ICE1: variants seen among roughly 807,000 people sequenced by gnomAD.
ICE1 encodes the protein little elongation complex subunit 1.
ICE1 carries 64 observed loss-of-function variants against 192.7 expected under a neutral mutation model. That is an observed-to-expected ratio of 0.33 (90% CI 0.27 to 0.41). The LOEUF (loss-of-function observed/expected upper bound fraction) is 0.41, where lower values mean the gene tolerates loss of function less well. ICE1 is among the 10% of genes least tolerant of loss of function. The pLI is 1.00. For synonymous variants in ICE1, 1,010 were observed against 984.5 expected, an observed-to-expected ratio of 1.03 and a Z score of -0.49; for missense variants, 2,708 against 2,696.0, an observed-to-expected ratio of 1.00 and a Z score of -0.10.
In ICE1 at chr5:5,462,500, C is replaced by T. The variant is rs751117948; in HGVS notation, c.3166C>T (p.Pro1056Ser). The stretch of plus-strand genomic sequence containing the variant: ...ACTTTGGAAATTGAAATCTACAACT[C>T]CCGGTGGTGCTTTGCCTGAGTGTTT... ...NGLWKLKSTT[P>S]GGALPECFGT... Residue 1056 changes from proline to serine, a missense_variant, in exon 13 of 19, where the codon CCC becomes TCC. Pro to Ser is a moderately conservative substitution (Grantham distance 74, BLOSUM62 -1). Around this residue, in one of 2 missense-constraint regions of ICE1, gnomAD observed 2,366 missense variants for 2,276.6 expected, o/e 1.04. Coordinates refer to ENST00000296564, the MANE Select transcript of ICE1 (RefSeq NM_015325.3). 1.5e-5 allele frequency: 24 copies of T among 1,613,880 alleles called. No homozygotes were observed. The East Asian group carries it at 4.0e-4, about 27-fold the overall frequency.
At chr5:5,433,867 T>C (rs927106593) in intron 1 of ICE1, among the ~76,000 whole-genome samples, 2 of 152,074 alleles carry the variant, frequency 1.3e-5, no homozygotes, top group African/African-American at 2.4e-5. Flanking sequence ...TTACAGTTTT[T>C]AGCAAGGGAA....
chr5:5,483,712 A>G (rs1418909525), intron 17 of ICE1, among the ~76,000 whole-genome samples: 1 of 152,130 alleles, frequency 6.6e-6, no homozygotes, highest in Non-Finnish European at 1.5e-5. Context: ...TTCTGCCCCA[A>G]AGAGCTTATA....
intron 1 of ICE1, among the ~76,000 whole-genome samples, chr5:5,427,027 T>C (rs747362446): frequency 2.0e-5 from 3 of 152,256 alleles, no homozygotes; most frequent in Non-Finnish European, 4.4e-5. Flanking sequence ...AACTTGCCTC[T>C]CTGTCTTGAA....
At position 5,461,856 on chromosome 5, in the gene ICE1, A is replaced by G. The variant is rs1183794043; in HGVS notation, c.2522A>G (p.Asn841Ser). ...CCCAAGCCTGATCTTCTTAGAGAAAATAACAATCCTGTAGAATTCAAGACC... is the reference window on the plus strand; with the variant it reads ...CCCAAGCCTGATCTTCTTAGAGAAAGTAACAATCCTGTAGAATTCAAGACC... ...PTPKPDLLRE[N>S]NNPVEFKTTA... The change falls in exon 13 of 19, where the codon AAT (asparagine) becomes AGT (serine). Residue 841 changes from asparagine (N) to serine (S), a missense_variant. By Grantham distance (46) the Asn-to-Ser change is conservative (BLOSUM62 1). Coordinates refer to ENST00000296564, the MANE Select transcript of ICE1 (RefSeq NM_015325.3). The G allele has an allele frequency of 5.0e-6, 8 of 1,613,998 alleles. No homozygotes were observed. Among genetic ancestry groups the G allele is most frequent in the Non-Finnish European group, 6.8e-6 (8 of 1,179,898 alleles).
intron 17 of ICE1, among the ~76,000 whole-genome samples, chr5:5,482,306 A>G (rs764615453): frequency 1.3e-5 from 2 of 152,188 alleles, no homozygotes; most frequent in African/African-American, 2.4e-5. Flanking sequence ...AGACTGATAT[A>G]CAATACAATT....
At chr5:5,484,690 TAGCACTA>T (rs1739591009) in intron 17 of ICE1, among the ~76,000 whole-genome samples, 1 of 152,218 alleles carries the variant, frequency 6.6e-6, no homozygotes, top group African/African-American at 2.4e-5. Context: ...TGCACGTACC[TAGCACTA>T]AGCTAGTTCC....
Position 5,461,402 on chromosome 5 carries a change from C to G in ICE1, c.2068C>G (p.Pro690Ala), listed in dbSNP as rs1185770183. The change falls in exon 13 of 19, where the codon CCG (proline) becomes GCG (alanine). Residue 690 changes from proline (P) to alanine (A), a missense_variant. This residue lies in a region of ICE1 where 2,366 missense variants were observed against 2,276.6 expected (regional missense o/e 1.04). Transcript: ENST00000296564. ...CACATTACATCTGCAGTCTGAGCCA[C>G]CGGAGTGTTCTATAGGAGGAAACAA... ...LNTLHLQSEP[P>A]ECSIGGNNLE... 3 of 1,613,848 alleles carry G rather than the reference C, an allele frequency of 1.9e-6. No homozygotes were observed. The highest frequency in any genetic ancestry group is 3.3e-5 in the Admixed American group (2 of 60,006).
chr5:5,423,824 C>T (rs531178025), intron 1 of ICE1, among the ~76,000 whole-genome samples: 1 of 152,130 alleles, frequency 6.6e-6, no homozygotes, highest in Non-Finnish European at 1.5e-5. Context: ...GCCTAGTGTT[C>T]TAGGAACTAC....
At position 5,459,563 on chromosome 5, in the gene ICE1, T is replaced by A. The variant is rs113262086; in HGVS notation, c.1102-873T>A. On this transcript the variant is annotated intron_variant, in intron 12 of 18. Coordinates refer to ENST00000296564, the MANE Select transcript of ICE1 (RefSeq NM_015325.3). ...TCAGGACCCTGGGGAACCGTCCCTA[T>A]GTAAGTGACAAGTAGAAGAAGTGTG... 4.8e-3 allele frequency among the ~76,000 whole-genome samples: 727 copies of A among 152,070 alleles called. 4 individuals are homozygous for A. The highest frequency in any genetic ancestry group is 0.017 in the African/African-American group (701 of 41,466).
In ICE1 at chr5:5,447,373, G is replaced by A. The variant is rs114873357; in HGVS notation, c.425-54G>A. 5.8e-4 allele frequency: 622 copies of A among 1,064,996 alleles called. 3 individuals carry two copies. The African/African-American group carries it at 9.0e-3, about 15-fold the overall frequency. 66.0% of individuals were successfully genotyped at this position (1,064,996 alleles called of 1,614,324 possible). On this transcript the variant is annotated intron_variant, in intron 7 of 18. Transcript: ENST00000296564. ...GATTTTGAGTATTTCATTAACCACAGTAGTAAAGTTAGTAAATTATTTTTC... is the reference window on the plus strand; with the variant it reads ...GATTTTGAGTATTTCATTAACCACAATAGTAAAGTTAGTAAATTATTTTTC...
intron 13 of ICE1, among the ~76,000 whole-genome samples, chr5:5,465,895 A>T (rs999474552): frequency 6.6e-6 from 1 of 152,202 alleles, no homozygotes; most frequent in Non-Finnish European, 1.5e-5. Context: ...AGGACAAAAA[A>T]TGTTACTTAG....
rs745992039 is a variant in ICE1, at chr5:5,460,656, G to A, written c.1322G>A (p.Gly441Glu). 1.2e-6 allele frequency: 2 copies of A among 1,613,890 alleles called. No homozygotes were observed. Among genetic ancestry groups the A allele is most frequent in the Non-Finnish European group, 1.7e-6 (2 of 1,179,866 alleles). ...GAAGTAAATAAAGTGACAACTTCTGGACTCGAGACTTTCACAGCAACACTG... is the reference window on the plus strand; with the variant it reads ...GAAGTAAATAAAGTGACAACTTCTGAACTCGAGACTTTCACAGCAACACTG... ...TWEVNKVTTS[G>E]LETFTATLRE... Residue 441 changes from glycine to glutamate, a missense_variant, in exon 13 of 19, where the codon GGA becomes GAA. Transcript: ENST00000296564.
At chr5:5,435,657 G>GTTTTTTTTTTTGTTTGTTTGTTTTT (rs1737846534) in intron 1 of ICE1, among the ~76,000 whole-genome samples, 1 of 114,296 alleles carries the variant, frequency 8.7e-6, no homozygotes, top group African/African-American at 3.4e-5. Context: ...CCAAATTTGT[G>GTTTTTTTTTTTGTTTGTTTGTTTTT]TTTTTTTTTT....
At chr5:5,444,230 G>A (rs1738136544) in intron 6 of ICE1, 59 bp from the exon 7 acceptor site, 4 of 1,051,592 alleles carry the variant, frequency 3.8e-6, no homozygotes, top group Non-Finnish European at 5.7e-6. Context: ...CAAATTATAA[G>A]GCATATTTTT....
In ICE1 at chr5:5,463,555, C is replaced by T. The variant is rs62000446; in HGVS notation, c.4221C>T (p.Asn1407=). The stretch of plus-strand genomic sequence containing the variant: ...CAACAGTGACCTCAGAAGTTATAAA[C>T]GTACTTATAAATAAGGATCAGAATC... ...QIATVTSEVI[N]VLINKDQNLV... is the part of the protein sequence containing the mutation. The change falls in exon 13 of 19, where the codon AAC becomes AAT. Residue 1407 remains asparagine, a synonymous_variant. Transcript: ENST00000296564. 0.013 allele frequency: 20,507 copies of T among 1,613,806 alleles called. 840 individuals are homozygous for T. The East Asian group carries it at 0.15, about 12-fold the overall frequency.
In ICE1 at chr5:5,430,645, T is replaced by C. The variant is rs554491005; in HGVS notation, c.85-5773T>C. Reference sequence around the variant, plus strand: ...TACAATGAATTTTCCTGTTGTTAAATAGTAGACTCATTGCTGACTTTGGGA... The same window carrying C: ...TACAATGAATTTTCCTGTTGTTAAACAGTAGACTCATTGCTGACTTTGGGA... On this transcript the variant is annotated intron_variant, in intron 1 of 18. Coordinates refer to ENST00000296564, the MANE Select transcript of ICE1 (RefSeq NM_015325.3). Among the ~76,000 whole-genome samples, 52 of 152,360 alleles carry C rather than the reference T, an allele frequency of 3.4e-4. 1 individual carries two copies. The highest frequency in any genetic ancestry group is 2.9e-4 in the African/African-American group (12 of 41,586).
At position 5,463,378 on chromosome 5, in the gene ICE1, C is replaced by G. The variant is rs774314170; in HGVS notation, c.4044C>G (p.Ala1348=). 11 of 1,613,688 alleles carry G rather than the reference C, an allele frequency of 6.8e-6. No individual in the cohort carries two copies. Among genetic ancestry groups the G allele is most frequent in the Non-Finnish European group, 8.5e-6 (10 of 1,179,866 alleles). ...QNENPQSRPE[A]RSDAGRQTDG... is the part of the protein sequence containing the mutation. ...AAAACCCTCAGAGCAGACCAGAGGC[C>G]CGTTCAGATGCAGGCAGGCAAACCG... The change falls in exon 13 of 19, where the codon GCC becomes GCG. Residue 1348 remains alanine (A), a synonymous_variant. Coordinates refer to ENST00000296564, the MANE Select transcript of ICE1 (RefSeq NM_015325.3).
chr5:5,470,896 A>G (rs1252266758), intron 15 of ICE1, among the ~76,000 whole-genome samples: 1 of 151,960 alleles, frequency 6.6e-6, no homozygotes, highest in Non-Finnish European at 1.5e-5. Flanking sequence ...TCAGAATCAA[A>G]TATCTCTAGC....
Position 5,461,553 on chromosome 5 carries a change from G to T in ICE1, c.2219G>T (p.Arg740Leu). 1 of 1,612,932 alleles carries T rather than the reference G, an allele frequency of 6.2e-7. No individual in the cohort carries two copies. The highest frequency in any genetic ancestry group is 1.3e-5 in the African/African-American group (1 of 74,976). Residue 740 changes from arginine to leucine, a missense_variant, in exon 13 of 19, where the codon CGG (arginine) becomes CTG (leucine). By Grantham distance (102) the Arg-to-Leu change is moderately radical (BLOSUM62 -2). Around this residue, in one of 2 missense-constraint regions of ICE1, gnomAD observed 2,366 missense variants for 2,276.6 expected, o/e 1.04. Coordinates refer to ENST00000296564, the MANE Select transcript of ICE1 (RefSeq NM_015325.3). ...KGLTKIHSLP[R>L]SVFMKATKDG... ...TTGACCAAAATACATTCACTTCCTC[G>T]GTCAGTATTTATGAAAGCTACAAAA...
Sources: gnomAD v4.1 joint callset for allele counts (sites outside exome capture counted in the v4.1 genomes callset) on GRCh38, gnomAD v4.1.1 for gene constraint, gnomAD v4.1.1 regional missense constraint, MANE v1.5 for transcripts, NCBI Gene and HGNC (gene_info 2026-07-23, HGNC 2026-07-21) for gene names.